Variants in NFIB observed in about 807,000 individuals in gnomAD.
NFIB encodes the protein nuclear factor 1 B-type.
A neutral mutation model predicts 61.5 loss-of-function variants in NFIB; 11 were observed. That is an observed-to-expected ratio of 0.18 (90% CI 0.11 to 0.30). NFIB has a LOEUF of 0.30. Ranked by LOEUF, NFIB falls within the 10% of genes least tolerant of loss-of-function variation. NFIB has a pLI of 1.00. For synonymous variants in NFIB, 260 were observed against 216.5 expected, an observed-to-expected ratio of 1.20 and a Z score of -1.76; for missense variants, 471 against 608.9, an observed-to-expected ratio of 0.77 and a Z score of 2.38.
chr9:14,249,922 T>C (rs1292354609), intron 2 of NFIB, among the ~76,000 whole-genome samples: 1 of 152,164 alleles, frequency 6.6e-6, no homozygotes, highest in Non-Finnish European at 1.5e-5. Flanking sequence ...TCATCATAAA[T>C]GCCAAAGTCT....
chr9:14,524,505 G>A, the NFIB span, among the ~76,000 whole-genome samples: 1 of 152,122 alleles, frequency 6.6e-6, no homozygotes, highest in Admixed American at 6.6e-5. Flanking sequence ...ATGATTAAGA[G>A]TCTTTTGTGG....
Position 14,128,582 on chromosome 9 carries a change from T to C in NFIB, c.926-2816A>G, listed in dbSNP as rs934914980. Among the ~76,000 whole-genome samples, 6 of 150,912 alleles carry C rather than the reference T, an allele frequency of 4.0e-5. 1 individual carries two copies. Among genetic ancestry groups the C allele is most frequent in the Admixed American group, 2.7e-4 (4 of 15,086 alleles). On this transcript the variant is annotated intron_variant, in intron 6 of 10. Coordinates refer to ENST00000380953, the MANE Select transcript of NFIB (RefSeq NM_001190737.2). Reference sequence around the variant, plus strand: ...GCGTGGTGGTGGGCACCTATAATCCTAGCTACTTGGGAGGCTGAGGCAGGA... The same window carrying C: ...GCGTGGTGGTGGGCACCTATAATCCCAGCTACTTGGGAGGCTGAGGCAGGA...
the NFIB span, among the ~76,000 whole-genome samples, chr9:14,434,473 A>G: frequency 6.6e-6 from 1 of 152,222 alleles, no homozygotes; most frequent in Non-Finnish European, 1.5e-5. Context: ...AAATATAGCA[A>G]GAACAAAATG....
the NFIB span, among the ~76,000 whole-genome samples, chr9:14,493,401 G>A: frequency 5.9e-5 from 9 of 152,064 alleles, no homozygotes; most frequent in South Asian, 1.9e-3. Flanking sequence ...TTCACAGATT[G>A]TTAGAAAGGA....
chr9:14,413,953 C>T, the NFIB span, among the ~76,000 whole-genome samples: 1 of 152,096 alleles, frequency 6.6e-6, no homozygotes. Flanking sequence ...CTGTGGAAAT[C>T]CTACTTGGTT....
chr9:14,351,658 C>T (rs1236434387), intron 1 of NFIB, among the ~76,000 whole-genome samples: 1 of 152,234 alleles, frequency 6.6e-6, no homozygotes, highest in Non-Finnish European at 1.5e-5. Flanking sequence ...TAGATGACAA[C>T]TTCTCCTAGA....
intron 6 of NFIB, among the ~76,000 whole-genome samples, chr9:14,144,726 G>A (rs1215582722): frequency 6.6e-6 from 1 of 152,192 alleles, no homozygotes; most frequent in African/African-American, 2.4e-5. Context: ...ACTGGGTGTT[G>A]ACAGAGAAAA....
At chr9:14,326,586 T>C (rs1396104169) in intron 1 of NFIB, among the ~76,000 whole-genome samples, 1 of 151,722 alleles carries the variant, frequency 6.6e-6, no homozygotes, top group Admixed American at 6.6e-5. Flanking sequence ...CTCATAGCCT[T>C]ACCAACCCCC....
the NFIB span, among the ~76,000 whole-genome samples, chr9:14,511,247 G>A: frequency 0.19 from 28,763 of 151,902 alleles, 3,156 homozygotes; most frequent in East Asian, 0.38. Context: ...TGTATTCATA[G>A]TTCGTTTATA....
intron 10 of NFIB, among the ~76,000 whole-genome samples, chr9:14,091,757 A>G (rs1244092717): frequency 6.6e-6 from 1 of 152,084 alleles, no homozygotes; most frequent in Non-Finnish European, 1.5e-5. Context: ...AATATAAAGT[A>G]GATATAACCA....
chr9:14,295,547 C>G (rs1334178164), intron 2 of NFIB, among the ~76,000 whole-genome samples: 1 of 152,106 alleles, frequency 6.6e-6, no homozygotes, highest in African/African-American at 2.4e-5. Flanking sequence ...AGGAGAATGG[C>G]GTGAACCCGG....
At chr9:14,286,383 A>C (rs551845466) in intron 2 of NFIB, among the ~76,000 whole-genome samples, 28 of 152,306 alleles carry the variant, frequency 1.8e-4, no homozygotes, top group African/African-American at 6.3e-4. Flanking sequence ...AAAAAGCTAC[A>C]TGCTACAAGA....
At chr9:14,210,836 C>G (rs2050232724) in intron 2 of NFIB, among the ~76,000 whole-genome samples, 1 of 152,082 alleles carries the variant, frequency 6.6e-6, no homozygotes, top group Non-Finnish European at 1.5e-5. Context: ...AAAAAACTTC[C>G]CATTTCAAAT....
At chr9:14,524,451 T>C in the NFIB span, among the ~76,000 whole-genome samples, 6 of 152,292 alleles carry the variant, frequency 3.9e-5, no homozygotes, top group Non-Finnish European at 8.8e-5. Flanking sequence ...TTTCCCATTA[T>C]AATATAAGCT....
chr9:14,338,710 T>A (rs1201224827), intron 1 of NFIB, among the ~76,000 whole-genome samples: 2 of 151,414 alleles, frequency 1.3e-5, no homozygotes, highest in African/African-American at 4.9e-5. Flanking sequence ...GGGTTTTCTC[T>A]TCTTTTCTTC....
At chr9:14,197,668 A>G (rs1346359055) in intron 2 of NFIB, among the ~76,000 whole-genome samples, 3 of 152,234 alleles carry the variant, frequency 2.0e-5, no homozygotes, top group African/African-American at 7.2e-5. Flanking sequence ...TTTGGAACTC[A>G]AGGCTATAGG....
At chr9:14,453,011 A>G in the NFIB span, among the ~76,000 whole-genome samples, 1 of 152,334 alleles carries the variant, frequency 6.6e-6, no homozygotes, top group Non-Finnish European at 1.5e-5. Flanking sequence ...ATTGCTTTGT[A>G]ACGTGGTGCC....
chr9:14,419,482 G>A, the NFIB span, among the ~76,000 whole-genome samples: 28 of 152,208 alleles, frequency 1.8e-4, no homozygotes, highest in East Asian at 5.4e-3. Flanking sequence ...GCACTTAGAA[G>A]CGTCCTGCGT....
At chr9:14,423,428 T>C in the NFIB span, among the ~76,000 whole-genome samples, 1 of 152,222 alleles carries the variant, frequency 6.6e-6, no homozygotes, top group Non-Finnish European at 1.5e-5. Context: ...TTATGAGTTA[T>C]ACTTTCAGCC....
Sources: allele counts gnomAD v4.1 joint callset (sites outside exome capture counted in the v4.1 genomes callset), GRCh38; gene constraint gnomAD v4.1.1; transcripts MANE v1.5; gene names NCBI Gene and HGNC (gene_info 2026-07-23, HGNC 2026-07-21).